AMPH: variants seen among roughly 807,000 people sequenced by gnomAD.
AMPH encodes the protein amphiphysin (Stiff-Mann syndrome with breast cancer 128kD autoantigen).
AMPH carries 49 observed loss-of-function variants against 99.1 expected under a neutral mutation model. That is an observed-to-expected ratio of 0.49 (90% CI 0.39 to 0.63). AMPH has a LOEUF of 0.63. Among genes scored for constraint, AMPH ranks in the 20% least tolerant of loss-of-function variants. AMPH has a pLI of 0.00. For synonymous variants in AMPH, 314 were observed against 317.3 expected (o/e 0.99, Z 0.11); for missense variants, 759 against 863.4 (o/e 0.88, Z 1.52).
intron 11 of AMPH, among the ~76,000 whole-genome samples, chr7:38,444,424 C>T (rs1453117046): frequency 6.6e-5 from 10 of 151,802 alleles, no homozygotes; most frequent in Non-Finnish European, 1.5e-4. Flanking sequence ...GACTGGTGGC[C>T]CTGTAAGAAG....
At chr7:38,385,184 C>T (rs556930975) in intron 20 of AMPH, among the ~76,000 whole-genome samples, 2 of 151,998 alleles carry the variant, frequency 1.3e-5, no homozygotes, top group Middle Eastern at 6.8e-3. Flanking sequence ...ATGCTTTGTA[C>T]ATTGTGACTG....
chr7:38,423,690 A>G (rs1218720199), intron 15 of AMPH, among the ~76,000 whole-genome samples: 1 of 152,228 alleles, frequency 6.6e-6, no homozygotes, highest in Admixed American at 6.5e-5. Flanking sequence ...GAAATGCTGC[A>G]AATCAGTCCG....
At chr7:38,436,142 A>G in intron 12 of AMPH, 130 bp downstream of exon 12, 1 of 676,660 alleles carries the variant, frequency 1.5e-6, no homozygotes, top group Non-Finnish European at 2.6e-6. Flanking sequence ...CCTCTTTCCT[A>G]TTAGGAAATA....
chr7:38,626,585 A>G (rs1794249543), intron 1 of AMPH, among the ~76,000 whole-genome samples: 1 of 152,216 alleles, frequency 6.6e-6, no homozygotes, highest in African/African-American at 2.4e-5. Flanking sequence ...CTAAAACCAT[A>G]AAAACCTTAG....
In AMPH at chr7:38,447,776, A is replaced by C. The variant is rs200717573; in HGVS notation, c.1018-11388T>G. On this transcript the variant is annotated intron_variant, in intron 11 of 20. Coordinates refer to ENST00000356264, the MANE Select transcript of AMPH (RefSeq NM_001635.4). ...AACACACACACACACACACACACAC[A>C]CACCCATACACAAAATTTCTTTAAT... Among the ~76,000 whole-genome samples the C allele has an allele frequency of 5.1e-4, 77 of 149,650 alleles. 1 individual carries two copies. The East Asian group carries it at 0.014, about 27-fold the overall frequency.
chr7:38,393,372 A>G (rs1205338627), intron 18 of AMPH, among the ~76,000 whole-genome samples: 1 of 152,230 alleles, frequency 6.6e-6, no homozygotes. Flanking sequence ...CCGAAGAACC[A>G]GACAATGGAG....
chr7:38,552,020 G>A (rs1477989266), intron 1 of AMPH, among the ~76,000 whole-genome samples: 2 of 152,156 alleles, frequency 1.3e-5, no homozygotes, highest in Admixed American at 6.6e-5. Context: ...GATAAAAAGT[G>A]TACATTTAAA....
At chr7:38,399,064 T>C (rs76458190) in intron 17 of AMPH, among the ~76,000 whole-genome samples, 440 of 152,218 alleles carry the variant, frequency 2.9e-3, no homozygotes, top group African/African-American at 1.0e-2. Context: ...ATCAGGAAAA[T>C]ACCGAAATTA....
chr7:38,506,913 G>A (rs1377460585), intron 2 of AMPH, among the ~76,000 whole-genome samples: 2 of 152,194 alleles, frequency 1.3e-5, no homozygotes, highest in African/African-American at 2.4e-5. Context: ...GAGGGACACC[G>A]AGTTAAGCAA....
At chr7:38,479,766 T>G (rs948048831) in intron 5 of AMPH, among the ~76,000 whole-genome samples, 4 of 152,094 alleles carry the variant, frequency 2.6e-5, no homozygotes, top group African/African-American at 9.7e-5. Flanking sequence ...TAAAGAAGTA[T>G]CTACGTGCCC....
chr7:38,531,379 A>G (rs1790392746), intron 2 of AMPH: 1 of 152,234 alleles, frequency 6.6e-6, no homozygotes, highest in South Asian at 2.1e-4. Context: ...AACATGAACC[A>G]CAAAAGCTAC....
intron 3 of AMPH, among the ~76,000 whole-genome samples, chr7:38,495,094 C>T (rs1425651609): frequency 2.0e-5 from 3 of 152,088 alleles, no homozygotes; most frequent in Non-Finnish European, 4.4e-5. Context: ...AAAAGTTTGT[C>T]ATTTTCCAGT....
chr7:38,464,442 A>C (rs569886677), intron 9 of AMPH, among the ~76,000 whole-genome samples: 20 of 152,340 alleles, frequency 1.3e-4, no homozygotes, highest in African/African-American at 4.6e-4. Context: ...TAGAAACCAT[A>C]GCAGAACCTA....
At chr7:38,490,541 C>T (rs772466409) in intron 5 of AMPH, among the ~76,000 whole-genome samples, 63 of 152,068 alleles carry the variant, frequency 4.1e-4, no homozygotes, top group Admixed American at 8.5e-4. Flanking sequence ...ATTTAAAATG[C>T]TTATATCTTA....
At chr7:38,604,212 C>T (rs956850483) in intron 1 of AMPH, among the ~76,000 whole-genome samples, 4 of 152,166 alleles carry the variant, frequency 2.6e-5, no homozygotes, top group African/African-American at 7.2e-5. Context: ...GAGATTTTTG[C>T]ACTATCTCCA....
At chr7:38,471,662 C>A (rs1787893254) in intron 7 of AMPH, among the ~76,000 whole-genome samples, 1 of 152,110 alleles carries the variant, frequency 6.6e-6, no homozygotes, top group Admixed American at 6.6e-5. Flanking sequence ...CTGAGCACAG[C>A]AATCGAAAGG....
chr7:38,563,582 G>A (rs1791629186), intron 1 of AMPH, among the ~76,000 whole-genome samples: 1 of 152,088 alleles, frequency 6.6e-6, no homozygotes, highest in African/African-American at 2.4e-5. Context: ...TCTCTTGGGG[G>A]CTCAGTAAAT....
At chr7:38,535,678 G>A (rs1790571322) in intron 1 of AMPH, among the ~76,000 whole-genome samples, 1 of 152,128 alleles carries the variant, frequency 6.6e-6, no homozygotes, top group African/African-American at 2.4e-5. Flanking sequence ...GGTCCTATCT[G>A]GGGCTGATGG....
chr7:38,590,241 C>T (rs766261515), intron 1 of AMPH, among the ~76,000 whole-genome samples: 9 of 152,122 alleles, frequency 5.9e-5, no homozygotes, highest in East Asian at 1.9e-4. Context: ...TTGATTAGGA[C>T]GAACCCAGGC....
Sources: allele counts gnomAD v4.1 joint callset (sites outside exome capture counted in the v4.1 genomes callset), GRCh38; gene constraint gnomAD v4.1.1; transcripts MANE v1.5; gene names NCBI Gene and HGNC (gene_info 2026-07-23, HGNC 2026-07-21).